Variants in CEP85L observed in about 807,000 individuals in gnomAD.
The protein encoded by CEP85L is centrosomal protein of 85 kDa-like.
In CEP85L, 60 loss-of-function variants were observed where a neutral mutation model predicts 100.3. The observed-to-expected ratio is 0.60, with a 90% CI of 0.49 to 0.74. The LOEUF (loss-of-function observed/expected upper bound fraction) is 0.74. CEP85L is among the 30% of genes least tolerant of loss of function. The pLI, the probability that CEP85L is intolerant of heterozygous loss-of-function variation, is 0.00. For synonymous variants in CEP85L, 319 were observed against 322.7 expected (o/e 0.99, Z 0.12); for missense variants, 973 against 936.2 (o/e 1.04, Z -0.51).
chr6:118,536,977 A>T (rs984831367), intron 3 of CEP85L, among the ~76,000 whole-genome samples: 1 of 152,214 alleles, frequency 6.6e-6, no homozygotes, highest in African/African-American at 2.4e-5. Context: ...ATACCATTGC[A>T]TGGCAGTTAT....
intron 1 of CEP85L, among the ~76,000 whole-genome samples, chr6:118,677,253 A>C (rs1157230235): frequency 6.6e-6 from 1 of 152,200 alleles, no homozygotes; most frequent in African/African-American, 2.4e-5. Context: ...GCCAGGAGAC[A>C]GATAGAAAGT....
At chr6:118,647,959 A>ATT (rs1288881998) in intron 1 of CEP85L, among the ~76,000 whole-genome samples, 3 of 152,224 alleles carry the variant, frequency 2.0e-5, no homozygotes, top group African/African-American at 7.2e-5. Context: ...AAACTTAAGA[A>ATT]AACACTCATT....
chr6:118,491,893 G>C, intron 5 of CEP85L, 28 bp from the exon 6 acceptor site: 2 of 1,537,420 alleles, frequency 1.3e-6, no homozygotes, highest in Middle Eastern at 1.7e-4. Context: ...AAGGAGGTAA[G>C]ACTTTAAAAG....
intron 3 of CEP85L, among the ~76,000 whole-genome samples, chr6:118,562,339 T>C (rs1201323297): frequency 6.6e-6 from 1 of 152,060 alleles, no homozygotes. Flanking sequence ...AAACAAGTCA[T>C]TTTACTTTAA....
At chr6:118,529,115 G>A (rs965470173) in intron 3 of CEP85L, among the ~76,000 whole-genome samples, 5 of 152,122 alleles carry the variant, frequency 3.3e-5, no homozygotes, top group African/African-American at 7.2e-5. Context: ...TAGTGATAAG[G>A]GAATTAGATG....
chr6:118,650,377 T>C (rs1349422752), intron 1 of CEP85L, among the ~76,000 whole-genome samples: 2 of 152,180 alleles, frequency 1.3e-5, no homozygotes, highest in Admixed American at 1.3e-4. Flanking sequence ...GGGGAGGATT[T>C]ATCCTAATTT....
intron 4 of CEP85L, among the ~76,000 whole-genome samples, chr6:118,515,498 A>T (rs909625109): frequency 1.3e-5 from 2 of 152,206 alleles, no homozygotes; most frequent in Admixed American, 6.5e-5. Flanking sequence ...CTGAGCCATG[A>T]AACAAGCACC....
chr6:118,504,976 G>A (rs1445608186), intron 5 of CEP85L, among the ~76,000 whole-genome samples: 4 of 152,012 alleles, frequency 2.6e-5, no homozygotes, highest in Non-Finnish European at 4.4e-5. Flanking sequence ...TCACTACAGC[G>A]GCTTTACTCA....
chr6:118,558,652 C>CAGAGAG (rs1482465423), intron 3 of CEP85L, among the ~76,000 whole-genome samples: 37 of 132,982 alleles, frequency 2.8e-4, no homozygotes, highest in African/African-American at 1.1e-3. Context: ...CACACACACA[C>CAGAGAG]ACACACACAG....
chr6:118,465,537 A>G lies in CEP85L; in HGVS notation c.2286T>C (p.Asn762=). The G allele has an allele frequency of 1.9e-6, 3 of 1,613,444 alleles. No homozygotes were observed. The highest frequency in any genetic ancestry group is 2.5e-6 in the Non-Finnish European group (3 of 1,179,570). Residue 762 remains asparagine (N), a synonymous_variant, in exon 13 of 13, where the codon AAT becomes AAC. Transcript: ENST00000368491. ...SMNCSAEETE[N]DHSTETLTKK... ...TAGTGAGTGTTTCTGTGCTGTGGTC[A>G]TTCTCAGTCTCTTCAGCTGAACAGT...
chr6:118,580,023 G>C (rs1411272484), intron 2 of CEP85L, among the ~76,000 whole-genome samples: 1 of 152,190 alleles, frequency 6.6e-6, no homozygotes, highest in Non-Finnish European at 1.5e-5. Context: ...GGGAGGACCA[G>C]ATTTTTGTGG....
rs1306890654 is a variant in CEP85L at position 118,486,949 on chromosome 6, T to C, written c.1438-3091A>G. 2.0e-5 allele frequency among the ~76,000 whole-genome samples: 3 copies of C among 151,942 alleles called. 1 individual carries two copies. Among genetic ancestry groups the C allele is most frequent in the African/African-American group, 7.3e-5 (3 of 41,342 alleles). ...AATTCATTCAACATGCCAGGCACCA[T>C]GAATGGTGCTACATACGCCACAGAG... On this transcript the variant is annotated intron_variant, in intron 6 of 12. Coordinates refer to ENST00000368491, the MANE Select transcript of CEP85L (RefSeq NM_001042475.3).
intron 5 of CEP85L, among the ~76,000 whole-genome samples, chr6:118,498,950 A>G (rs886581939): frequency 1.3e-5 from 2 of 152,220 alleles, no homozygotes; most frequent in Non-Finnish European, 2.9e-5. Context: ...TCAAAAACAG[A>G]AAGACAGCTG....
At chr6:118,582,680 A>G (rs1288314988) in intron 2 of CEP85L, among the ~76,000 whole-genome samples, 1 of 152,220 alleles carries the variant, frequency 6.6e-6, no homozygotes, top group African/African-American at 2.4e-5. Context: ...TAAACTATCT[A>G]TGATAGACCA....
rs56203910 is a variant in CEP85L, at chr6:118,627,198, CAAAAAAAAAAA to C, written c.232+5244_232+5254del. ...TGGACAACAGAGCAAGACTCCATCT[CAAAAAAAAAAA>C]AAAAAAAAAGGAAACAATACAATTA... On this transcript the variant is annotated intron_variant, in intron 2 of 12. Transcript: ENST00000368491. Among the ~76,000 whole-genome samples, 3 of 72,578 alleles carry C rather than the reference CAAAAAAAAAAA, an allele frequency of 4.1e-5. No individual in the cohort carries two copies. In the Admixed American group the frequency reaches 5.0e-4, roughly 12 times the overall value. 47.6% of individuals were successfully genotyped at this position (72,578 alleles called of 152,430 possible).
chr6:118,680,743 C>CA (rs1409047452), intron 1 of CEP85L, among the ~76,000 whole-genome samples: 1 of 151,972 alleles, frequency 6.6e-6, no homozygotes, highest in Non-Finnish European at 1.5e-5. Context: ...GGTTTGGTGG[C>CA]ACACACCTGT....
chr6:118,616,217 T>G (rs1015801021), intron 2 of CEP85L, among the ~76,000 whole-genome samples: 6 of 152,088 alleles, frequency 3.9e-5, no homozygotes, highest in African/African-American at 1.4e-4. Context: ...ACAGTGAATT[T>G]CAAATTTTAA....
intron 5 of CEP85L, chr6:118,502,416 AG>A: frequency 1.9e-6 from 1 of 525,254 alleles, no homozygotes; most frequent in South Asian, 1.6e-5. Context: ...AGGGGATTCC[AG>A]GGCCCTATAA....
At chr6:118,582,407 G>A (rs1021098389) in intron 2 of CEP85L, among the ~76,000 whole-genome samples, 5 of 152,174 alleles carry the variant, frequency 3.3e-5, no homozygotes, top group Non-Finnish European at 1.5e-5. Context: ...CCTCACTGGG[G>A]CTGAAAAGCC....
Sources: allele counts gnomAD v4.1 joint callset (sites outside exome capture counted in the v4.1 genomes callset), GRCh38; gene constraint gnomAD v4.1.1; transcripts MANE v1.5; gene names NCBI Gene and HGNC (gene_info 2026-07-23, HGNC 2026-07-21).